Variants in CCDC40 observed in about 807,000 individuals in gnomAD.
CCDC40 encodes the protein coiled-coil domain 40 molecular ruler complex subunit.
Under a neutral mutation model 124.5 loss-of-function variants are expected in CCDC40, and 104 were observed. The ratio of observed to expected loss-of-function variants is 0.84; its 90% confidence interval spans 0.71 to 0.98. The LOEUF is 0.98. Among genes scored for constraint, CCDC40 ranks in the 50% least tolerant of loss-of-function variants. The probability of loss-of-function intolerance (pLI) is 0.00; values close to 1 mark genes in which losing one functional copy is unlikely to be tolerated. For synonymous variants in CCDC40, 580 were observed against 602.9 expected, an observed-to-expected ratio of 0.96 and a Z score of 0.56; for missense variants, 1,463 against 1,503.9, an observed-to-expected ratio of 0.97 and a Z score of 0.45.
At chr17:80,052,746 A>G (rs1297322229) in intron 7 of CCDC40, among the ~76,000 whole-genome samples, 1 of 152,134 alleles carries the variant, frequency 6.6e-6, no homozygotes, top group East Asian at 1.9e-4. Context: ...TTGTATCCGT[A>G]AAGAGAACAA....
intron 10 of CCDC40, among the ~76,000 whole-genome samples, chr17:80,076,578 CAAA>C (rs55997385): frequency 2.5e-5 from 3 of 120,938 alleles, no homozygotes; most frequent in Admixed American, 8.7e-5. Context: ...GAGCCTGTCT[CAAA>C]AAAAAAAAAA....
chr17:80,067,520 C>T (rs1457875601), intron 10 of CCDC40: 2 of 1,404,734 alleles, frequency 1.4e-6, no homozygotes, highest in Non-Finnish European at 1.9e-6. Context: ...CCCTAGAGCG[C>T]TTCCCAAGTC....
chr17:80,049,409 C>A (rs76697520), intron 5 of CCDC40, among the ~76,000 whole-genome samples: 324 of 112,490 alleles, frequency 2.9e-3, no homozygotes, highest in South Asian at 4.1e-3. Flanking sequence ...AACTCTGTCT[C>A]AAAAAAAAAA....
In CCDC40 at chr17:80,056,001, TATATATATA is replaced by T. The variant is rs1315387079; in HGVS notation, c.1160-2492_1160-2484del. On this transcript the variant is annotated intron_variant, in intron 7 of 19. Coordinates refer to ENST00000397545, the MANE Select transcript of CCDC40 (RefSeq NM_017950.4). ...ATTTTCATATATATATATATATATA[TATATATATA>T]TATATATTTTTTTTTTTTTTTGGTA... Among the ~76,000 whole-genome samples, 84 of 19,516 alleles carry T rather than the reference TATATATATA, an allele frequency of 4.3e-3. 9 individuals carry two copies. Among genetic ancestry groups the T allele is most frequent in the African/African-American group, 0.011 (75 of 7,052 alleles). The allele number at this position is 19,516 out of a possible 152,430, so 12.8% of individuals were successfully genotyped here.
At chr17:80,082,727 C>T (rs1432717292) in intron 12 of CCDC40, among the ~76,000 whole-genome samples, 2 of 152,154 alleles carry the variant, frequency 1.3e-5, no homozygotes, top group Admixed American at 6.5e-5. Context: ...CCCATCCAGC[C>T]GTGCTGCTAC....
At chr17:80,050,356 GC>G in intron 7 of CCDC40, 73 bp downstream of exon 7, 1 of 1,228,908 alleles carries the variant, frequency 8.1e-7, no homozygotes, top group Non-Finnish European at 1.2e-6. Flanking sequence ...ATGTACCATG[GC>G]CAGGCATCTA....
intron 10 of CCDC40, among the ~76,000 whole-genome samples, chr17:80,080,193 CAA>C (rs1345483311): frequency 2.3e-5 from 2 of 86,696 alleles, no homozygotes. Flanking sequence ...GAGACTGTCT[CAA>C]AAAAAAAAAA....
At chr17:80,069,512 G>A (rs7208658) in intron 10 of CCDC40, among the ~76,000 whole-genome samples, 2,242 of 152,058 alleles carry the variant, frequency 0.015, 56 homozygotes, top group African/African-American at 0.052. Context: ...TTGGGAGGCC[G>A]AGGCGGGCAG....
chr17:80,081,378 C>CT (rs1458198939), intron 10 of CCDC40, 168 bp from the exon 11 acceptor site: 2 of 164,758 alleles, frequency 1.2e-5, no homozygotes, highest in Admixed American at 1.0e-4. Context: ...GAGTGAGACT[C>CT]TGTCTCAAAA....
intron 2 of CCDC40, among the ~76,000 whole-genome samples, chr17:80,038,578 G>C (rs980515435): frequency 1.3e-5 from 2 of 151,484 alleles, no homozygotes; most frequent in African/African-American, 4.9e-5. Context: ...TGTAATTCCA[G>C]CACTTTGGGA....
rs757189069 is a variant in CCDC40, at chr17:80,099,783, C to T, written c.*8C>T. 7.4e-6 allele frequency: 12 copies of T among 1,612,456 alleles called. No individual in the cohort carries two copies. In the South Asian group the frequency reaches 1.3e-4, roughly 18 times the overall value. ...TCACCAGGGCCCTCCTAGGGAGCAGCCTGGACTCCGCCTTGCAAGGCCTCC... is the reference window on the plus strand; with the variant it reads ...TCACCAGGGCCCTCCTAGGGAGCAGTCTGGACTCCGCCTTGCAAGGCCTCC... On this transcript the variant is annotated 3_prime_UTR_variant, in exon 20 of 20. Coordinates refer to ENST00000397545, the MANE Select transcript of CCDC40 (RefSeq NM_017950.4).
chr17:80,043,325 A>G (rs755278423), intron 3 of CCDC40, among the ~76,000 whole-genome samples: 1 of 152,126 alleles, frequency 6.6e-6, no homozygotes, highest in Non-Finnish European at 1.5e-5. Flanking sequence ...AGAATTTAGA[A>G]GTTATCACTT....
rs1275376054 is a variant in CCDC40 at position 80,050,202 on chromosome 17, A to G, written c.1078A>G (p.Arg360Gly). 6.2e-6 allele frequency: 10 copies of G among 1,610,658 alleles called. No individual in the cohort carries two copies. The highest frequency in any genetic ancestry group is 1.9e-4 in the Middle Eastern group (1 of 5,190). ...DRHAMASSER[R>G]QKEEELQAAR... ...CCACGCAATGGCCTCGAGCGAGCGCAGGCAGAAGGAGGAGGAGCTGCAGGC... is the reference window on the plus strand; with the variant it reads ...CCACGCAATGGCCTCGAGCGAGCGCGGGCAGAAGGAGGAGGAGCTGCAGGC... Residue 360 changes from arginine (R) to glycine (G), a missense_variant, in exon 7 of 20, where the codon AGG becomes GGG. By Grantham distance (125) the Arg-to-Gly change is moderately radical. Coordinates refer to ENST00000397545, the MANE Select transcript of CCDC40 (RefSeq NM_017950.4).
At chr17:80,045,176 G>A (rs998549474) in intron 3 of CCDC40, among the ~76,000 whole-genome samples, 6 of 152,202 alleles carry the variant, frequency 3.9e-5, no homozygotes, top group Non-Finnish European at 7.3e-5. Context: ...CATACCTGGG[G>A]CTGCCCGTGC....
rs185083705 is a variant in CCDC40, at chr17:80,050,275, G to A, written c.1151G>A (p.Arg384His). The A allele has an allele frequency of 2.8e-5, 44 of 1,561,012 alleles. No individual in the cohort carries two copies. The East Asian group carries it at 8.2e-4, about 29-fold the overall frequency. Reference protein sequence around the residue: ...TKTCAAANEERKKLAALQTEM... With the variant: ...TKTCAAANEEHKKLAALQTEM... ...ACCTGCGCAGCCGCCAACGAGGAGCGCAAAAAGTGTAAGGCAACCCGGCAG... is the reference window on the plus strand; with the variant it reads ...ACCTGCGCAGCCGCCAACGAGGAGCACAAAAAGTGTAAGGCAACCCGGCAG... Residue 384 changes from arginine (R) to histidine (H), a missense_variant, in exon 7 of 20, where the codon CGC (arginine) becomes CAC (histidine). Arg to His is a conservative substitution (Grantham distance 29). Transcript: ENST00000397545.
chr17:80,039,436 A>G (rs1204541532), intron 2 of CCDC40, among the ~76,000 whole-genome samples: 1 of 150,386 alleles, frequency 6.6e-6, no homozygotes, highest in Non-Finnish European at 1.5e-5. Flanking sequence ...TTTTTGAGAC[A>G]GAGTCTCACT....
Position 80,058,717 on chromosome 17 carries a change from C to A in CCDC40, c.1317+66C>A. 2 of 1,605,594 alleles carry A rather than the reference C, an allele frequency of 1.2e-6. No individual in the cohort carries two copies. The highest frequency in any genetic ancestry group is 1.7e-6 in the Non-Finnish European group (2 of 1,172,470). ...CGTGGAGCTTCAAAAAGGGGCTCAG[C>A]TTTGCCTCCTGCGTGAAGGCTTCCG... On this transcript the variant is annotated intron_variant, in intron 8 of 19. Transcript: ENST00000397545. This position sits in a 1 kb window ranked among gnomAD's most constrained non-coding sequence, Gnocchi z 4.2.
Position 80,039,977 on chromosome 17 carries a change from G to T in CCDC40, c.259G>T (p.Gly87Ter). 6.2e-7 allele frequency: 1 copy of T among 1,614,042 alleles called. No individual in the cohort carries two copies. Among genetic ancestry groups the T allele is most frequent in the Non-Finnish European group, 8.5e-7 (1 of 1,179,952 alleles). Residue 87 changes from glycine (G) to a stop codon, truncating the protein, a stop_gained, in exon 3 of 20, where the codon GGA (glycine) becomes TGA (stop). Transcript: ENST00000397545. LOFTEE classifies it high-confidence loss of function. ...VEGEEEAVSYGDAESEEEYYY... is the reference protein window; with the variant it reads ...VEGEEEAVSY ...AGGGGAAGAGGAGGCTGTGTCCTAT[G>T]GAGATGCTGAAAGCGAAGAGGAATA...
intron 10 of CCDC40, among the ~76,000 whole-genome samples, chr17:80,073,393 G>T (rs770628678): frequency 2.0e-5 from 3 of 152,164 alleles, no homozygotes; most frequent in Non-Finnish European, 2.9e-5. Flanking sequence ...CCACATGTTG[G>T]TCGTTCTCAT....
Sources: allele counts gnomAD v4.1 joint callset (sites outside exome capture counted in the v4.1 genomes callset), GRCh38; gene constraint gnomAD v4.1.1; non-coding constraint Gnocchi (gnomAD v3.1); transcripts MANE v1.5; gene names NCBI Gene and HGNC (gene_info 2026-07-23, HGNC 2026-07-21).